ITFG1: variants seen among roughly 807,000 people sequenced by gnomAD.
The protein encoded by ITFG1 is integrin alpha FG-GAP repeat containing 1, also known as T-cell immunomodulatory protein.
A neutral mutation model predicts 81.8 loss-of-function variants in ITFG1; 34 were observed. That is an observed-to-expected ratio of 0.42 (90% CI 0.32 to 0.55). The LOEUF (loss-of-function observed/expected upper bound fraction) is 0.55, where lower values mean the gene tolerates loss of function less well. Among genes scored for constraint, ITFG1 ranks in the 20% least tolerant of loss-of-function variants. ITFG1 has a pLI of 0.17. For synonymous variants in ITFG1, 285 were observed against 270.6 expected (o/e 1.05, Z -0.52); for missense variants, 672 against 755.4 (o/e 0.89, Z 1.29).
chr16:47,252,088 C>T (rs1212169382), intron 12 of ITFG1, among the ~76,000 whole-genome samples: 2 of 152,022 alleles, frequency 1.3e-5, no homozygotes, highest in Admixed American at 1.3e-4. Flanking sequence ...AACCTAAGTA[C>T]AATTTTTCTG....
chr16:47,245,734 T>C (rs1165859442), intron 12 of ITFG1, among the ~76,000 whole-genome samples: 2 of 152,190 alleles, frequency 1.3e-5, no homozygotes, highest in African/African-American at 2.4e-5. Context: ...TTCTGGTAAG[T>C]GCCAAGCTGT....
chr16:47,280,501 T>C (rs1405100035), intron 10 of ITFG1, among the ~76,000 whole-genome samples: 3 of 152,152 alleles, frequency 2.0e-5, no homozygotes, highest in Non-Finnish European at 4.4e-5. Flanking sequence ...TTCTTTGGTA[T>C]AATGGGAAAT....
intron 8 of ITFG1, among the ~76,000 whole-genome samples, chr16:47,327,515 A>T (rs1016295730): frequency 1.1e-4 from 17 of 152,334 alleles, no homozygotes; most frequent in Admixed American, 1.1e-3. Flanking sequence ...CAGCAAAAGA[A>T]ACCACCATCA....
intron 8 of ITFG1, chr16:47,317,421 A>C (rs965268149): frequency 1.3e-5 from 2 of 152,214 alleles, no homozygotes; most frequent in Non-Finnish European, 2.9e-5. Context: ...TTATTCTCTT[A>C]AACATTCTTA....
chr16:47,200,749 A>G (rs960463969), intron 14 of ITFG1, among the ~76,000 whole-genome samples: 9 of 152,206 alleles, frequency 5.9e-5, no homozygotes, highest in Non-Finnish European at 1.3e-4. Flanking sequence ...ATTAGAAATG[A>G]AAATTCTGTG....
rs117592883 is a variant in ITFG1, at chr16:47,420,489, C to G, written c.655+8315G>C. ...GGAGTCTACTATAGTTTAGAAAGCA[C>G]GTTGACATCTGATTCACAATGATGG... is the stretch of plus-strand genomic sequence containing the variant. On this transcript the variant is annotated intron_variant, in intron 6 of 17. Transcript: ENST00000320640. Among the ~76,000 whole-genome samples, 885 of 152,216 alleles carry G rather than the reference C, an allele frequency of 5.8e-3. 2 individuals carry two copies. Among genetic ancestry groups the G allele is most frequent in the Middle Eastern group, 0.014 (4 of 294 alleles).
At chr16:47,398,860 C>T (rs543789184) in intron 6 of ITFG1, among the ~76,000 whole-genome samples, 1 of 152,284 alleles carries the variant, frequency 6.6e-6, no homozygotes, top group East Asian at 1.9e-4. Flanking sequence ...GCTTATTCAC[C>T]AGACAATATT....
At chr16:47,296,647 G>T (rs1322665333) in intron 10 of ITFG1, among the ~76,000 whole-genome samples, 2 of 152,136 alleles carry the variant, frequency 1.3e-5, no homozygotes, top group African/African-American at 4.8e-5. Flanking sequence ...TGTTGGTCAG[G>T]CTGGTCTCAA....
chr16:47,419,190 C>G (rs540153729), intron 6 of ITFG1, among the ~76,000 whole-genome samples: 1 of 152,198 alleles, frequency 6.6e-6, no homozygotes, highest in Non-Finnish European at 1.5e-5. Flanking sequence ...TCTATGTTGT[C>G]CAAGGTGGAG....
At chr16:47,212,164 GA>G (rs1042526570) in intron 14 of ITFG1, among the ~76,000 whole-genome samples, 27 of 152,178 alleles carry the variant, frequency 1.8e-4, no homozygotes, top group African/African-American at 6.0e-4. Flanking sequence ...CTACAAACCA[GA>G]AAATTTTCCT....
rs185011675 is a variant in ITFG1 at position 47,353,181 on chromosome 16, C to T, written c.802+12607G>A. 4.3e-3 allele frequency among the ~76,000 whole-genome samples: 651 copies of T among 151,750 alleles called. 2 individuals are homozygous for T. Among genetic ancestry groups the T allele is most frequent in the Non-Finnish European group, 7.1e-3 (483 of 67,916 alleles). On this transcript the variant is annotated intron_variant, in intron 8 of 17. Coordinates refer to ENST00000320640, the MANE Select transcript of ITFG1 (RefSeq NM_030790.5). ...ATATGTAACAAACCTGCACATTGTG[C>T]ACATGTACCCTAGAACTTAAAGTAT...
At chr16:47,272,866 T>C (rs1322319974) in intron 10 of ITFG1, among the ~76,000 whole-genome samples, 1 of 150,898 alleles carries the variant, frequency 6.6e-6, no homozygotes, top group Non-Finnish European at 1.5e-5. Context: ...AAAATGTACA[T>C]ATTAAATGTT....
At chr16:47,374,753 C>T (rs1185682797) in intron 7 of ITFG1, among the ~76,000 whole-genome samples, 1 of 151,912 alleles carries the variant, frequency 6.6e-6, no homozygotes, top group Admixed American at 6.5e-5. Flanking sequence ...TCTTACTTCC[C>T]CTTGCCCCAT....
At chr16:47,417,171 C>G (rs776745469) in intron 6 of ITFG1, among the ~76,000 whole-genome samples, 1 of 152,192 alleles carries the variant, frequency 6.6e-6, no homozygotes, top group Non-Finnish European at 1.5e-5. Flanking sequence ...TGAAGGTTTG[C>G]TGAAATGATT....
intron 12 of ITFG1, among the ~76,000 whole-genome samples, chr16:47,247,236 C>T (rs944959079): frequency 4.0e-5 from 6 of 151,610 alleles, no homozygotes; most frequent in Non-Finnish European, 5.9e-5. Flanking sequence ...TCATTTTTTC[C>T]CCTCTTATTG....
intron 7 of ITFG1, among the ~76,000 whole-genome samples, chr16:47,375,428 T>C (rs1567478805): frequency 6.6e-6 from 1 of 152,230 alleles, no homozygotes; most frequent in East Asian, 1.9e-4. Context: ...AAAAACCCTA[T>C]TGGGAAAGAT....
At chr16:47,189,370 T>C (rs1402198231) in intron 14 of ITFG1, among the ~76,000 whole-genome samples, 1 of 152,170 alleles carries the variant, frequency 6.6e-6, no homozygotes, top group African/African-American at 2.4e-5. Flanking sequence ...TTCCCATTTC[T>C]TCCTCCCTCC....
At chr16:47,326,042 T>C (rs1208435810) in intron 8 of ITFG1, among the ~76,000 whole-genome samples, 3 of 152,168 alleles carry the variant, frequency 2.0e-5, no homozygotes, top group African/African-American at 4.8e-5. Flanking sequence ...TTTAGACCAA[T>C]ATCCTTGATG....
intron 14 of ITFG1, among the ~76,000 whole-genome samples, chr16:47,195,820 A>G (rs1965350979): frequency 6.6e-6 from 1 of 152,106 alleles, no homozygotes; most frequent in Non-Finnish European, 1.5e-5. Flanking sequence ...TACGTGTGCC[A>G]TGGTGGTCTG....
Sources: allele counts gnomAD v4.1 joint callset (sites outside exome capture counted in the v4.1 genomes callset), GRCh38; gene constraint gnomAD v4.1.1; transcripts MANE v1.5; gene names NCBI Gene and HGNC (gene_info 2026-07-23, HGNC 2026-07-21).